C9orf50: variants seen among roughly 807,000 people sequenced by gnomAD.
C9orf50 encodes chromosome 9 open reading frame 50, also known as uncharacterized protein C9orf50.
In C9orf50, 33 loss-of-function variants were observed where a neutral mutation model predicts 42.5. The ratio of observed to expected loss-of-function variants is 0.78; its 90% confidence interval spans 0.59 to 1.04. The LOEUF (loss-of-function observed/expected upper bound fraction) is 1.04. Ranked by LOEUF, C9orf50 falls within the 50% of genes least tolerant of loss-of-function variation. The probability of loss-of-function intolerance (pLI) is 0.00; values close to 1 mark genes in which losing one functional copy is unlikely to be tolerated. For synonymous variants in C9orf50, 257 were observed against 273.4 expected (o/e 0.94, Z 0.59); for missense variants, 547 against 594.3 (o/e 0.92, Z 0.83).
chr9:129,616,325 C>A (rs570063467), intron 3 of C9orf50, among the ~76,000 whole-genome samples: 47 of 152,296 alleles, frequency 3.1e-4, no homozygotes, highest in Non-Finnish European at 2.9e-5. Context: ...ACGCCATTCT[C>A]CTGCCTCAGC....
chr9:129,615,729 G>T, intron 3 of C9orf50, 82 bp from the exon 4 acceptor site: 1 of 1,414,092 alleles, frequency 7.1e-7, no homozygotes, highest in Non-Finnish European at 9.3e-7. Context: ...CTCGCTGTGA[G>T]ATCCTGGACA....
intron 3 of C9orf50, among the ~76,000 whole-genome samples, chr9:129,616,210 G>A (rs1353521154): frequency 6.6e-6 from 1 of 152,088 alleles, no homozygotes; most frequent in Non-Finnish European, 1.5e-5. Context: ...ACAGGGAGCT[G>A]TTTTTTGTTT....
Position 129,620,489 on chromosome 9 carries a change from T to C in C9orf50, c.86A>G (p.Asp29Gly). ...CGGGGTCAGCTTGGGCAGCCGCGGG[T>C]CGCTGCTGCGTCGGAAGTCTCCGTC... Residue 29 changes from aspartate (D) to glycine (G), a missense_variant, in exon 1 of 7, where the codon GAC becomes GGC. By Grantham distance (94) the Asp-to-Gly change is moderately conservative. Around this residue, in one of 3 missense-constraint regions of C9orf50, gnomAD observed 105 missense variants for 98.5 expected, o/e 1.07. Coordinates refer to ENST00000372478, the Ensembl canonical transcript of C9orf50. This position sits in a 1 kb window ranked among gnomAD's most constrained non-coding sequence, Gnocchi z 5.8. The C allele has an allele frequency of 1.4e-6, 2 of 1,398,698 alleles. No homozygotes were observed. The highest frequency in any genetic ancestry group is 9.3e-7 in the Non-Finnish European group (1 of 1,072,612). 86.6% of individuals were successfully genotyped at this position (1,398,698 alleles called of 1,614,324 possible). A position where few individuals can be genotyped will look rare whatever the true frequency, so the allele number is the denominator to read the frequency against.
At chr9:129,615,435 C>T (rs375237794) in intron 4 of C9orf50, 49 bp downstream of exon 4, 2 of 1,512,090 alleles carry the variant, frequency 1.3e-6, no homozygotes, top group African/African-American at 2.8e-5. Context: ...CTCTGCCCTC[C>T]TGGCTAGAAC....
Position 129,613,636 on chromosome 9 carries a change from G to A in C9orf50, c.881-39C>T. The A allele has an allele frequency of 1.2e-6, 2 of 1,611,418 alleles. No homozygotes were observed. The highest frequency in any genetic ancestry group is 1.7e-6 in the Non-Finnish European group (2 of 1,178,464). On this transcript the variant is annotated intron_variant, in intron 4 of 6. Transcript: ENST00000372478. This position sits in a 1 kb window ranked among gnomAD's most constrained non-coding sequence, Gnocchi z 6.2. ...GGCAGGGTGAGATCTCTGCCCAGGA[G>A]GAGGGCACTGGTGCCCCCACCCTCT...
exon 7 of C9orf50, chr9:129,612,329 C>A (rs773451999): frequency 6.2e-7 from 1 of 1,605,200 alleles, no homozygotes; most frequent in Non-Finnish European, 8.5e-7. Context: ...GTGCCCCTGG[C>A]CTTGGGTTCG....
Position 129,614,350 on chromosome 9 carries a change from C to T in C9orf50, c.881-753G>A, listed in dbSNP as rs1468680773. On this transcript the variant is annotated intron_variant, in intron 4 of 6. Coordinates refer to ENST00000372478, the Ensembl canonical transcript of C9orf50. The surrounding 1 kb of genome is among the most constrained non-coding windows in gnomAD (Gnocchi z 4.4). ...GCTTCCTGTCACGCTAAGGAGGCTGCGTCAGATCCCTCCCAAATCAGCGAA... is the reference window on the plus strand; with the variant it reads ...GCTTCCTGTCACGCTAAGGAGGCTGTGTCAGATCCCTCCCAAATCAGCGAA... Among the ~76,000 whole-genome samples the T allele has an allele frequency of 6.6e-6, 1 of 152,188 alleles. No homozygotes were observed. Among genetic ancestry groups the T allele is most frequent in the Admixed American group, 6.5e-5 (1 of 15,280 alleles).
At chr9:129,619,636 C>A in exon 3 of C9orf50, 1 of 1,613,954 alleles carries the variant, frequency 6.2e-7, no homozygotes, top group East Asian at 2.2e-5. Flanking sequence ...ATGACTGGCC[C>A]CTTAAAGACA....
At position 129,613,612 on chromosome 9, in the gene C9orf50, G is replaced by T; in HGVS notation, c.881-15C>A. On this transcript the variant is annotated splice_polypyrimidine_tract_variant and intron_variant, in intron 4 of 6. Transcript: ENST00000372478. The surrounding 1 kb of genome is among the most constrained non-coding windows in gnomAD (Gnocchi z 6.2). ...GCTCTGTTGGACTGCAGGAAAGAGG[G>T]CAGGGTGAGATCTCTGCCCAGGAGG... is the stretch of plus-strand genomic sequence containing the variant. The T allele has an allele frequency of 2.5e-6, 4 of 1,613,920 alleles. No homozygotes were observed. Among genetic ancestry groups the T allele is most frequent in the East Asian group, 2.2e-5 (1 of 44,872 alleles).
In C9orf50 at chr9:129,614,325, G is replaced by C. The variant is rs767463702; in HGVS notation, c.881-728C>G. Among the ~76,000 whole-genome samples the C allele has an allele frequency of 5.9e-5, 9 of 152,302 alleles. No individual in the cohort carries two copies. Among genetic ancestry groups the C allele is most frequent in the Non-Finnish European group, 1.2e-4 (8 of 68,030 alleles). On this transcript the variant is annotated intron_variant, in intron 4 of 6. Transcript: ENST00000372478. This position sits in a 1 kb window ranked among gnomAD's most constrained non-coding sequence, Gnocchi z 4.4. ...GCAAAAATCACAGCTTCTAACTCCA[G>C]CTTCCTGTCACGCTAAGGAGGCTGC...
chr9:129,612,869 C>A (rs991704679), intron 6 of C9orf50, among the ~76,000 whole-genome samples: 1 of 152,102 alleles, frequency 6.6e-6, no homozygotes, highest in Non-Finnish European at 1.5e-5. Context: ...AGGGGAGATG[C>A]AGAAAGGAAC....
Position 129,615,512 on chromosome 9 carries a change from CGTTGTGTCCT to C in C9orf50, c.842_851del (p.Gln281ArgfsTer17), listed in dbSNP as rs779529919. The stretch of plus-strand genomic sequence containing the variant: ...AGCGTCTGCGCTCCCAGTAGCGGAG[CGTTGTGTCCT>C]GCAGGGTCTCGTCAGCGAATCGCAC... On this transcript the variant is annotated frameshift_variant, in exon 4 of 7. Coordinates refer to ENST00000372478, the Ensembl canonical transcript of C9orf50. LOFTEE classifies it high-confidence loss of function. 6.2e-7 allele frequency: 1 copy of C among 1,606,558 alleles called. No individual in the cohort carries two copies. The highest frequency in any genetic ancestry group is 2.2e-5 in the East Asian group (1 of 44,572).
intron 6 of C9orf50, among the ~76,000 whole-genome samples, chr9:129,612,800 A>G (rs1192732804): frequency 6.6e-6 from 1 of 152,180 alleles, no homozygotes; most frequent in Non-Finnish European, 1.5e-5. Context: ...ACTGCACTCC[A>G]GCCTGGGCGA....
At chr9:129,612,227 G>C in exon 7 of C9orf50, 1 of 766,760 alleles carries the variant, frequency 1.3e-6, no homozygotes, top group Non-Finnish European at 2.2e-6. Flanking sequence ...AGAAAGGCTT[G>C]TGGTGTGACA....
At chr9:129,621,293 C>G (rs1588127404), upstream of C9orf50, among the ~76,000 whole-genome samples, 1 of 152,276 alleles carries the variant, frequency 6.6e-6, no homozygotes, top group East Asian at 1.9e-4. Context: ...TACCCCCAGC[C>G]CCCATTCTGA....
At position 129,619,816 on chromosome 9, in the gene C9orf50, G is replaced by A; in HGVS notation, c.523C>T (p.Gln175Ter). Reference sequence around the variant, plus strand: ...TGCTCTAATACACCCCTTTGATGTTGCGGTGCTGGGGATGCTGGAGCCAGG... The same window carrying A: ...TGCTCTAATACACCCCTTTGATGTTACGGTGCTGGGGATGCTGGAGCCAGG... The change falls in exon 2 of 7, where the codon CAA becomes TAA. Residue 175 changes from glutamine (Q) to a stop codon, truncating the protein, a stop_gained. Transcript: ENST00000372478. LOFTEE classifies it high-confidence loss of function. The A allele has an allele frequency of 6.2e-7, 1 of 1,614,142 alleles. No individual in the cohort carries two copies. Among genetic ancestry groups the A allele is most frequent in the Non-Finnish European group, 8.5e-7 (1 of 1,179,998 alleles).
chr9:129,620,736 G>C lies in C9orf50; in HGVS notation c.-162C>G, dbSNP rs1830663188. 3.5e-6 allele frequency: 2 copies of C among 569,848 alleles called. No individual in the cohort carries two copies. Among genetic ancestry groups the C allele is most frequent in the South Asian group, 9.2e-5 (1 of 10,874 alleles). 35.3% of individuals were successfully genotyped at this position (569,848 alleles called of 1,614,324 possible). ...GCCCGGCGGACAGCGAGTGGCTTCAGGCGAGAGCTCCCAGAGCCTCTGTTT... is the reference window on the plus strand; with the variant it reads ...GCCCGGCGGACAGCGAGTGGCTTCACGCGAGAGCTCCCAGAGCCTCTGTTT... On this transcript the variant is annotated 5_prime_UTR_variant, in exon 1 of 7. Transcript: ENST00000372478. This position sits in a 1 kb window ranked among gnomAD's most constrained non-coding sequence, Gnocchi z 5.8.
Position 129,620,233 on chromosome 9 carries a change from C to G in C9orf50, c.342G>C (p.Ser114=). The change falls in exon 1 of 7, where the codon TCG becomes TCC. Residue 114 remains serine (S), a synonymous_variant. Transcript: ENST00000372478. The surrounding 1 kb of genome is among the most constrained non-coding windows in gnomAD (Gnocchi z 5.8). ...CTCCAGGCCCTGGCTGCCTGGGCGC[C>G]GATTCCCGGGACGCGCCGGCCGACA... 7.5e-7 allele frequency: 1 copy of G among 1,336,864 alleles called. No individual in the cohort carries two copies. Among genetic ancestry groups the G allele is most frequent in the Non-Finnish European group, 9.6e-7 (1 of 1,037,188 alleles). 82.8% of individuals were successfully genotyped at this position (1,336,864 alleles called of 1,614,324 possible).
At position 129,613,862 on chromosome 9, in the gene C9orf50, G is replaced by A. The variant is rs1830217036; in HGVS notation, c.881-265C>T. Among the ~76,000 whole-genome samples, 1 of 152,184 alleles carries A rather than the reference G, an allele frequency of 6.6e-6. No homozygotes were observed. The highest frequency in any genetic ancestry group is 1.5e-5 in the Non-Finnish European group (1 of 68,018). Reference sequence around the variant, plus strand: ...AAGCGTGCCCCCTTTCTCGCAGTGGGGAGACCACTTACCCCATCATAGAAA... The same window carrying A: ...AAGCGTGCCCCCTTTCTCGCAGTGGAGAGACCACTTACCCCATCATAGAAA... On this transcript the variant is annotated intron_variant, in intron 4 of 6. Transcript: ENST00000372478. The surrounding 1 kb of genome is among the most constrained non-coding windows in gnomAD (Gnocchi z 6.2).
Sources: gnomAD v4.1 joint callset for allele counts (sites outside exome capture counted in the v4.1 genomes callset) on GRCh38, gnomAD v4.1.1 for gene constraint, gnomAD v4.1.1 regional missense constraint, Gnocchi (gnomAD v3.1) non-coding constraint, MANE v1.5 for transcripts, NCBI Gene and HGNC (gene_info 2026-07-23, HGNC 2026-07-21) for gene names.